CD99: variants seen among roughly 807,000 people sequenced by gnomAD.
CD99 encodes the protein CD99 molecule (Xg blood group).
A neutral mutation model predicts 28.4 loss-of-function variants in CD99; 19 were observed. The ratio of observed to expected loss-of-function variants is 0.67; its 90% CI spans 0.47 to 0.98. The LOEUF is 0.98. Among genes scored for constraint, CD99 ranks in the 50% least tolerant of loss-of-function variants. The probability of loss-of-function intolerance (pLI) is 0.00; values close to 1 mark genes in which losing one functional copy is unlikely to be tolerated. For missense variants in CD99, 283 were observed against 248.8 expected, an observed-to-expected ratio of 1.14 and a Z score of -0.92; for synonymous variants, 103 against 92.1, an observed-to-expected ratio of 1.12 and a Z score of -0.67.
In CD99 at chrX:2,722,639, A is replaced by G; in HGVS notation, c.275A>G (p.Asp92Gly). 2.5e-6 allele frequency: 4 copies of G among 1,613,958 alleles called. No individual in the cohort carries two copies. The highest frequency in any genetic ancestry group is 3.4e-6 in the Non-Finnish European group (4 of 1,179,866). ...TTTTCTTTCCTAGGTAGCTTTTCAG[A>G]TGCTGACCTTGCGGATGGCGTTTCA... The part of the protein sequence containing the change: ...NHPSSSGSFS[D>G]ADLADGVSGG... Residue 92 changes from aspartate to glycine, a missense_variant, in exon 6 of 10, where the codon GAT becomes GGT. Physicochemically the swap from Asp to Gly is moderately conservative, Grantham distance 94. Transcript: ENST00000381192.
chrX:2,711,442 T>C (rs2048406753), intron 1 of CD99, among the ~76,000 whole-genome samples: 1 of 144,524 alleles, frequency 6.9e-6, no homozygotes, highest in Admixed American at 6.8e-5. Flanking sequence ...TGTATGTGTG[T>C]ATATATATAT....
At chrX:2,691,546 C>A in intron 1 of CD99, 119 bp downstream of exon 1, 2 of 1,144,608 alleles carry the variant, frequency 1.7e-6, no homozygotes, top group Non-Finnish European at 2.5e-6. Flanking sequence ...TCCTCCCTGC[C>A]CGGCAGGACG....
chrX:2,713,985 A>G (rs966933153), intron 1 of CD99, among the ~76,000 whole-genome samples: 1 of 152,098 alleles, frequency 6.6e-6, no homozygotes, highest in Non-Finnish European at 1.5e-5. Flanking sequence ...TTTTTAATGC[A>G]TAATGCACGT....
At chrX:2,691,671 T>A (rs1027789952) in intron 1 of CD99, 37 of 704,094 alleles carry the variant, frequency 5.3e-5, no homozygotes, top group Non-Finnish European at 8.5e-5. Flanking sequence ...TGCAAACTCT[T>A]ACATGTGGGG....
intron 2 of CD99, among the ~76,000 whole-genome samples, chrX:2,716,554 G>C (rs1362485157): frequency 1.3e-5 from 2 of 151,982 alleles, no homozygotes; most frequent in Non-Finnish European, 2.9e-5. Flanking sequence ...TGCCACGGTG[G>C]GATCTTGTCT....
At chrX:2,723,635 G>A (rs112338063) in intron 7 of CD99, among the ~76,000 whole-genome samples, 3,969 of 152,230 alleles carry the variant, frequency 0.026, 101 homozygotes, top group East Asian at 0.14. Flanking sequence ...CCTACATCAC[G>A]CTTCGCCTTG....
chrX:2,691,380 T>C lies in CD99; in HGVS notation c.20T>C (p.Leu7Pro), dbSNP rs762797384. 6.3e-7 allele frequency: 1 copy of C among 1,578,610 alleles called. No homozygotes were observed. Among genetic ancestry groups the C allele is most frequent in the Non-Finnish European group, 8.5e-7 (1 of 1,172,214 alleles). Residue 7 changes from leucine to proline, a missense_variant, in exon 1 of 10, where the codon CTG (leucine) becomes CCG (proline). Transcript: ENST00000381192. MARGAALALLLFGLLGV... is the reference protein window; with the variant it reads MARGAAPALLLFGLLGV... ...CGCACCATGGCCCGCGGGGCTGCGCTGGCGCTGCTGCTCTTCGGCCTGCTG... is the reference window on the plus strand; with the variant it reads ...CGCACCATGGCCCGCGGGGCTGCGCCGGCGCTGCTGCTCTTCGGCCTGCTG...
intron 8 of CD99, among the ~76,000 whole-genome samples, chrX:2,732,311 C>G (rs1292028543): frequency 6.6e-6 from 1 of 152,138 alleles, no homozygotes; most frequent in African/African-American, 2.4e-5. Flanking sequence ...GCTTCCGTGG[C>G]TGGCAAGGGG....
Position 2,735,300 on chromosome X carries a change from A to T in CD99, c.476-2900A>T, listed in dbSNP as rs1319229775. On this transcript the variant is annotated intron_variant, in intron 8 of 9. Coordinates refer to ENST00000381192, the MANE Select transcript of CD99 (RefSeq NM_002414.5). ...TGCTGAATGGTTCTAATAGCTACAGATGATTTCTAGCCTGAAAGAAAAGCA... is the reference window on the plus strand; with the variant it reads ...TGCTGAATGGTTCTAATAGCTACAGTTGATTTCTAGCCTGAAAGAAAAGCA... Among the ~76,000 whole-genome samples, 2 of 152,326 alleles carry T rather than the reference A, an allele frequency of 1.3e-5. 1 individual carries two copies. Among genetic ancestry groups the T allele is most frequent in the East Asian group, 3.9e-4 (2 of 5,184 alleles).
At chrX:2,733,345 C>A in intron 8 of CD99, 1 of 1,582,394 alleles carries the variant, frequency 6.3e-7, no homozygotes, top group Non-Finnish European at 8.6e-7. Context: ...CGTTTTCAAC[C>A]TTCCATTTCA....
intron 8 of CD99, among the ~76,000 whole-genome samples, chrX:2,735,792 TAAATC>T (rs899883233): frequency 2.6e-5 from 4 of 152,168 alleles, no homozygotes; most frequent in Non-Finnish European, 5.9e-5. Flanking sequence ...CTCTTTTTCT[TAAATC>T]AAAGAATTTG....
At chrX:2,730,537 A>T (rs890796096) in intron 8 of CD99, among the ~76,000 whole-genome samples, 2 of 152,080 alleles carry the variant, frequency 1.3e-5, no homozygotes, top group Non-Finnish European at 2.9e-5. Context: ...TCCAAGATTC[A>T]CTTTATACTA....
At chrX:2,718,909 C>T (rs1476017124) in intron 3 of CD99, among the ~76,000 whole-genome samples, 1 of 152,100 alleles carries the variant, frequency 6.6e-6, no homozygotes, top group Non-Finnish European at 1.5e-5. Context: ...GCAAAGGGAC[C>T]CTGTGTCCCC....
intron 1 of CD99, among the ~76,000 whole-genome samples, chrX:2,693,404 A>G (rs1460564646): frequency 6.6e-6 from 1 of 152,018 alleles, no homozygotes; most frequent in Non-Finnish European, 1.5e-5. Context: ...TATCCTTCCA[A>G]TTGCAGAGGA....
At position 2,726,310 on chromosome X, in the gene CD99, G is replaced by C. The variant is rs948629582; in HGVS notation, c.412G>C (p.Val138Leu). ...PGIVGAVVVA[V>L]AGAISSFIAY... ...GATTGTGGGGGCTGTCGTGGTCGCC[G>C]TGGCTGGAGCCATCTCTAGCTTCAT... The change falls in exon 8 of 10, where the codon GTG (valine) becomes CTG (leucine). Residue 138 changes from valine (V) to leucine (L), a missense_variant. Transcript: ENST00000381192. 6.2e-7 allele frequency: 1 copy of C among 1,612,172 alleles called. No individual in the cohort carries two copies. Among genetic ancestry groups the C allele is most frequent in the South Asian group, 1.1e-5 (1 of 90,984 alleles).
chrX:2,710,987 C>T (rs781495837), intron 1 of CD99, among the ~76,000 whole-genome samples: 1 of 149,028 alleles, frequency 6.7e-6, no homozygotes, highest in Admixed American at 6.8e-5. Context: ...TTTCCTGCCT[C>T]AGCCTCCTGA....
Position 2,719,560 on chromosome X carries a change from A to T in CD99, c.149-101A>T, listed in dbSNP as rs766483404. The T allele has an allele frequency of 2.2e-4, 202 of 916,862 alleles. 2 individuals carry two copies. The highest frequency in any genetic ancestry group is 2.2e-3 in the South Asian group (162 of 74,216). The allele number at this position is 916,862 out of a possible 1,614,324, so 56.8% of individuals were successfully genotyped here. A position where few individuals can be genotyped will look rare whatever the true frequency, so the allele number is the denominator to read the frequency against. ...CAAGCTGATATTCAGAAAAGTATTT[A>T]GGAATGTGGGGCCGTGGTGTGTTTT... is the stretch of plus-strand genomic sequence containing the variant. On this transcript the variant is annotated intron_variant, in intron 3 of 9. Coordinates refer to ENST00000381192, the MANE Select transcript of CD99 (RefSeq NM_002414.5).
chrX:2,738,214 G>A lies in CD99; in HGVS notation c.490G>A (p.Val164Met), dbSNP rs753976984. ...CFKENAEQGEVDMESHRNANA... is the reference protein window; with the variant it reads ...CFKENAEQGEMDMESHRNANA... ...CTTCTTTTCAGCAGAACAAGGGGAG[G>A]TGGACATGGAGAGCCACCGGAATGC... Residue 164 changes from valine to methionine, a missense_variant, in exon 9 of 10, where the codon GTG becomes ATG. By Grantham distance (21) the Val-to-Met change is conservative. Coordinates refer to ENST00000381192, the MANE Select transcript of CD99 (RefSeq NM_002414.5). 8 of 1,613,802 alleles carry A rather than the reference G, an allele frequency of 5.0e-6. No individual in the cohort carries two copies. The Admixed American group carries it at 1.3e-4, about 27-fold the overall frequency.
chrX:2,734,789 A>G (rs1042148978), intron 8 of CD99, among the ~76,000 whole-genome samples: 2 of 77,836 alleles, frequency 2.6e-5, no homozygotes, highest in Non-Finnish European at 5.5e-5. Context: ...TTTTTTTCTT[A>G]TTTTCCTTTT....
Sources: gnomAD v4.1 joint callset for allele counts (sites outside exome capture counted in the v4.1 genomes callset) on GRCh38, gnomAD v4.1.1 for gene constraint, MANE v1.5 for transcripts, NCBI Gene and HGNC (gene_info 2026-07-23, HGNC 2026-07-21) for gene names.